Variants in RBPJ observed in about 807,000 individuals in gnomAD.
RBPJ encodes recombining binding protein suppressor of hairless.
Under a neutral mutation model 67.8 loss-of-function variants are expected in RBPJ, and 9 were observed. That is an observed-to-expected ratio of 0.13 (90% CI 0.08 to 0.23). The LOEUF (loss-of-function observed/expected upper bound fraction) is 0.23, where lower values mean the gene tolerates loss of function less well. Ranked by LOEUF, RBPJ falls within the 10% of genes least tolerant of loss-of-function variation. The probability of loss-of-function intolerance (pLI) is 1.00; values close to 1 mark genes in which losing one functional copy is unlikely to be tolerated. For synonymous variants in RBPJ, 198 were observed against 203.3 expected, an observed-to-expected ratio of 0.97 and a Z score of 0.22; for missense variants, 305 against 595.6, an observed-to-expected ratio of 0.51 and a Z score of 5.08.
intron 1 of RBPJ, among the ~76,000 whole-genome samples, chr4:26,258,770 G>A (rs1403888311): frequency 6.7e-6 from 1 of 150,042 alleles, no homozygotes; most frequent in Non-Finnish European, 1.5e-5. Context: ...AAAAATATCT[G>A]TGCCCTTTAA....
the RBPJ span, among the ~76,000 whole-genome samples, chr4:26,131,310 T>C: frequency 3.9e-5 from 6 of 152,190 alleles, no homozygotes; most frequent in Admixed American, 3.3e-4. Flanking sequence ...CATCCCTGCA[T>C]CATGAGATCA....
chr4:26,215,096 A>T (rs1718639282), intron 1 of RBPJ, among the ~76,000 whole-genome samples: 1 of 58,740 alleles, frequency 1.7e-5, no homozygotes, highest in Admixed American at 1.9e-4. Flanking sequence ...AGACAGAAAG[A>T]GAAAGAAAGA....
At chr4:26,342,698 A>G (rs1020192813) in intron 1 of RBPJ, among the ~76,000 whole-genome samples, 1 of 152,204 alleles carries the variant, frequency 6.6e-6, no homozygotes, top group African/African-American at 2.4e-5. Flanking sequence ...CTGTTTCACT[A>G]TACAATTTTG....
chr4:26,387,469 A>G (rs1046025277), intron 2 of RBPJ, among the ~76,000 whole-genome samples: 1 of 152,208 alleles, frequency 6.6e-6, no homozygotes, highest in African/African-American at 2.4e-5. Flanking sequence ...TTTTCCTTAC[A>G]GATGCATGTC....
At chr4:26,236,974 GA>G (rs143581275) in intron 1 of RBPJ, among the ~76,000 whole-genome samples, 1,989 of 152,256 alleles carry the variant, frequency 0.013, 15 homozygotes, top group Non-Finnish European at 0.02. Flanking sequence ...TGAAATGCTT[GA>G]GCCCACATTA....
chr4:26,205,010 G>A (rs1048775508), intron 1 of RBPJ, among the ~76,000 whole-genome samples: 14 of 152,164 alleles, frequency 9.2e-5, no homozygotes, highest in East Asian at 3.9e-4. Flanking sequence ...TCCTGGCCTC[G>A]GCGCCAGGGG....
At chr4:26,417,958 TC>T (rs2109794401) in intron 4 of RBPJ, among the ~76,000 whole-genome samples, 1 of 152,362 alleles carries the variant, frequency 6.6e-6, no homozygotes, top group South Asian at 2.1e-4. Context: ...ATATGTTGGA[TC>T]TTAGATTTTG....
intron 1 of RBPJ, among the ~76,000 whole-genome samples, chr4:26,367,080 C>T (rs772637387): frequency 1.3e-5 from 2 of 151,530 alleles, no homozygotes; most frequent in African/African-American, 2.4e-5. Flanking sequence ...GCTGAGGTCG[C>T]GCCACTGCAC....
At chr4:26,289,629 C>T (rs1208406298) in intron 1 of RBPJ, among the ~76,000 whole-genome samples, 3 of 150,338 alleles carry the variant, frequency 2.0e-5, no homozygotes, top group Non-Finnish European at 3.0e-5. Context: ...GAGTTAATAC[C>T]GCTTAACATT....
rs188614085 is a variant in RBPJ, at chr4:26,377,374, G to T, written c.21-8979G>T. 3.3e-4 allele frequency among the ~76,000 whole-genome samples: 50 copies of T among 152,262 alleles called. No homozygotes were observed. The South Asian group carries it at 9.5e-3, about 29-fold the overall frequency. ...TTAGCCTGTATGATAAACTTTGTGTGTGCTCTCATCAAGTGACACTTTTCA... is the reference window on the plus strand; with the variant it reads ...TTAGCCTGTATGATAAACTTTGTGTTTGCTCTCATCAAGTGACACTTTTCA... On this transcript the variant is annotated intron_variant, in intron 1 of 10. Transcript: ENST00000355476.
intron 1 of RBPJ, among the ~76,000 whole-genome samples, chr4:26,286,982 T>C (rs142615745): frequency 6.6e-6 from 1 of 152,060 alleles, no homozygotes; most frequent in East Asian, 1.9e-4. Flanking sequence ...AGACGGGGTT[T>C]CTCCATGTTG....
In RBPJ at chr4:26,415,634, A is replaced by G; in HGVS notation, c.315A>G (p.Glu105=). 6.2e-7 allele frequency: 1 copy of G among 1,608,550 alleles called. No homozygotes were observed. The highest frequency in any genetic ancestry group is 8.5e-7 in the Non-Finnish European group (1 of 1,178,250). The change falls in exon 4 of 11, where the codon GAA becomes GAG. Residue 105 remains glutamate, a synonymous_variant. Coordinates refer to ENST00000355476, the MANE Select transcript of RBPJ (RefSeq NM_015874.6). The stretch of plus-strand genomic sequence containing the variant: ...AAGAAATGCAGCAGCTAAACTTGGA[A>G]GGAAAGGTAAATCAAGACTGCTAGT... ...SDQEMQQLNL[E]GKNYCTAKTL...
intron 1 of RBPJ, among the ~76,000 whole-genome samples, chr4:26,214,348 G>A (rs56082662): frequency 0.75 from 92,175 of 123,160 alleles, 34,288 homozygotes; most frequent in East Asian, 0.9. Context: ...GAAAGAAAAG[G>A]AAGAGAAAGG....
intron 1 of RBPJ, among the ~76,000 whole-genome samples, chr4:26,381,440 AT>A (rs558510338): frequency 3.9e-4 from 60 of 152,266 alleles, no homozygotes; most frequent in Middle Eastern, 3.4e-3. Context: ...CTTAAAAAAA[AT>A]CTCATACTTC....
intron 7 of RBPJ, among the ~76,000 whole-genome samples, chr4:26,426,027 G>T (rs1735631396): frequency 6.6e-6 from 1 of 151,882 alleles, no homozygotes; most frequent in East Asian, 1.9e-4. Flanking sequence ...CAATAAGCTA[G>T]AAGACATGAA....
intron 1 of RBPJ, among the ~76,000 whole-genome samples, chr4:26,251,807 C>T (rs956331698): frequency 4.2e-5 from 6 of 141,308 alleles, no homozygotes; most frequent in Admixed American, 7.4e-5. Flanking sequence ...AAGATTGTGC[C>T]GTTGCCCTCC....
chr4:26,221,568 G>C (rs1718911590), intron 1 of RBPJ, among the ~76,000 whole-genome samples: 1 of 152,192 alleles, frequency 6.6e-6, no homozygotes, highest in Non-Finnish European at 1.5e-5. Context: ...GAATGAGAGA[G>C]ACGGCGAGAC....
intron 1 of RBPJ, among the ~76,000 whole-genome samples, chr4:26,196,456 C>T (rs1285103842): frequency 1.3e-5 from 2 of 152,040 alleles, no homozygotes; most frequent in Admixed American, 6.5e-5. Flanking sequence ...TGTGACTGCT[C>T]GTGGGTATGG....
the RBPJ span, among the ~76,000 whole-genome samples, chr4:26,129,958 T>C: frequency 6.6e-6 from 1 of 152,126 alleles, no homozygotes; most frequent in African/African-American, 2.4e-5. Flanking sequence ...GCCTCCCAGG[T>C]CCAAGCGATT....
Sources: gnomAD v4.1 joint callset for allele counts (sites outside exome capture counted in the v4.1 genomes callset) on GRCh38, gnomAD v4.1.1 for gene constraint, MANE v1.5 for transcripts, NCBI Gene and HGNC (gene_info 2026-07-23, HGNC 2026-07-21) for gene names.